The following ADAMTS19 variants were observed in gnomAD, a reference collection of about 807,000 sequenced individuals.
ADAMTS19 encodes A disintegrin and metalloproteinase with thrombospondin motifs 19.
ADAMTS19 carries 93 observed loss-of-function variants against 153.3 expected under a neutral mutation model. That is an observed-to-expected ratio of 0.61 (90% CI 0.51 to 0.72). The LOEUF is 0.72. Among genes scored for constraint, ADAMTS19 ranks in the 30% least tolerant of loss-of-function variants. The pLI is 0.00. For synonymous variants in ADAMTS19, 600 were observed against 556.6 expected, an observed-to-expected ratio of 1.08 and a Z score of -1.10; for missense variants, 1,482 against 1,552.1, an observed-to-expected ratio of 0.95 and a Z score of 0.76.
At position 129,619,061 on chromosome 5, in the gene ADAMTS19, T is replaced by C. The variant is rs955033023; in HGVS notation, c.1479-1557T>C. Among the ~76,000 whole-genome samples the C allele has an allele frequency of 3.9e-5, 6 of 152,090 alleles. No homozygotes were observed. In the South Asian group the frequency reaches 1.2e-3, roughly 32 times the overall value. On this transcript the variant is annotated intron_variant, in intron 8 of 22. Transcript: ENST00000274487. ...TTGTTTCCAGAAGAGATAGTACAAA[T>C]GGGTGAGGTAGGGGATAGTGAAAGA... is the stretch of plus-strand genomic sequence containing the variant.
intron 8 of ADAMTS19, among the ~76,000 whole-genome samples, chr5:129,604,701 A>G (rs140602693): frequency 7.9e-5 from 12 of 152,334 alleles, no homozygotes; most frequent in African/African-American, 2.9e-4. Flanking sequence ...GATTCAAAAC[A>G]GATGCTGTAT....
rs1753624970 is a variant in ADAMTS19 at position 129,564,223 on chromosome 5, A to C, written c.1372+12316A>C. Among the ~76,000 whole-genome samples, 3 of 152,196 alleles carry C rather than the reference A, an allele frequency of 2.0e-5. No homozygotes were observed. The South Asian group carries it at 6.2e-4, about 32-fold the overall frequency. On this transcript the variant is annotated intron_variant, in intron 7 of 22. Coordinates refer to ENST00000274487, the MANE Select transcript of ADAMTS19 (RefSeq NM_133638.6). ...ACCTTTAAACAAGAGCACAGCCTGA[A>C]TGATATATTGACTTTGGCCTTGTGA...
At position 129,644,418 on chromosome 5, in the gene ADAMTS19, T is replaced by C. The variant is rs190490042; in HGVS notation, c.1872+2458T>C. Among the ~76,000 whole-genome samples, 3 of 152,290 alleles carry C rather than the reference T, an allele frequency of 2.0e-5. 1 individual carries two copies. The highest frequency in any genetic ancestry group is 2.0e-4 in the Admixed American group (3 of 15,298). ...ACATTGCTAACCAAGAGACAAAGCTTGGGATTTTGTAACTGATAACACTCT... is the reference window on the plus strand; with the variant it reads ...ACATTGCTAACCAAGAGACAAAGCTCGGGATTTTGTAACTGATAACACTCT... On this transcript the variant is annotated intron_variant, in intron 11 of 22. Transcript: ENST00000274487.
At chr5:129,732,510 A>G (rs926911579) in intron 21 of ADAMTS19, among the ~76,000 whole-genome samples, 5 of 152,116 alleles carry the variant, frequency 3.3e-5, no homozygotes, top group African/African-American at 1.2e-4. Context: ...AAGCATGTCT[A>G]TACACAAATA....
chr5:129,716,649 C>T (rs1163057145), intron 21 of ADAMTS19, among the ~76,000 whole-genome samples: 1 of 149,912 alleles, frequency 6.7e-6, no homozygotes, highest in South Asian at 2.1e-4. Flanking sequence ...CTTGGCACTT[C>T]TTCCTCTATA....
At chr5:129,642,241 A>AT (rs1185531933) in intron 11 of ADAMTS19, among the ~76,000 whole-genome samples, 2 of 151,880 alleles carry the variant, frequency 1.3e-5, no homozygotes, top group Non-Finnish European at 2.9e-5. Context: ...AAAAATGTGA[A>AT]TTTTTTTACT....
intron 3 of ADAMTS19, among the ~76,000 whole-genome samples, chr5:129,522,332 C>CATATATATATATAT (rs1209637522): frequency 5.3e-4 from 31 of 58,618 alleles, no homozygotes; most frequent in East Asian, 7.9e-4. Context: ...CACACACACA[C>CATATATATATATAT]ATATATATAT....
At chr5:129,581,448 C>A (rs1232342735) in intron 7 of ADAMTS19, among the ~76,000 whole-genome samples, 2 of 151,550 alleles carry the variant, frequency 1.3e-5, no homozygotes, top group South Asian at 4.2e-4. Context: ...GTGGTGATAT[C>A]CTCTTTGTCA....
At chr5:129,593,473 C>T (rs1046296356) in intron 7 of ADAMTS19, among the ~76,000 whole-genome samples, 1 of 152,174 alleles carries the variant, frequency 6.6e-6, no homozygotes, top group African/African-American at 2.4e-5. Flanking sequence ...CTAAATCTCA[C>T]TCCCTGATAA....
At chr5:129,690,345 G>A (rs1161119494) in intron 18 of ADAMTS19, among the ~76,000 whole-genome samples, 1 of 152,214 alleles carries the variant, frequency 6.6e-6, no homozygotes, top group Non-Finnish European at 1.5e-5. Context: ...GAGGATTGGT[G>A]GGTGGGAAGT....
chr5:129,484,379 A>C (rs116749614), intron 2 of ADAMTS19, among the ~76,000 whole-genome samples: 3,945 of 152,266 alleles, frequency 0.026, 78 homozygotes, highest in South Asian at 0.063. Context: ...CTGGGTCCCC[A>C]GATGTAACAA....
intron 16 of ADAMTS19, among the ~76,000 whole-genome samples, chr5:129,676,515 G>T (rs560117912): frequency 2.2e-4 from 34 of 152,084 alleles, no homozygotes; most frequent in African/African-American, 7.0e-4. Flanking sequence ...CAGTCAGGGG[G>T]TCTGGTAAAT....
Position 129,546,536 on chromosome 5 carries a change from G to C in ADAMTS19, c.1329-5328G>C, listed in dbSNP as rs990411701. Among the ~76,000 whole-genome samples, 5 of 150,926 alleles carry C rather than the reference G, an allele frequency of 3.3e-5. 1 individual carries two copies. Among genetic ancestry groups the C allele is most frequent in the Admixed American group, 3.3e-4 (5 of 15,192 alleles). On this transcript the variant is annotated intron_variant, in intron 6 of 22. Transcript: ENST00000274487. ...GAAAAAAAGGCAAAAACTGTAATCAGAGACTTCTAATCAATATTTATGAAT... is the reference window on the plus strand; with the variant it reads ...GAAAAAAAGGCAAAAACTGTAATCACAGACTTCTAATCAATATTTATGAAT...
chr5:129,583,349 C>G (rs998481518), intron 7 of ADAMTS19, among the ~76,000 whole-genome samples: 3 of 151,980 alleles, frequency 2.0e-5, no homozygotes, highest in African/African-American at 7.2e-5. Context: ...AACATTTTTT[C>G]CTTCATTTCA....
intron 18 of ADAMTS19, among the ~76,000 whole-genome samples, chr5:129,684,667 C>T (rs958852844): frequency 3.3e-5 from 5 of 152,190 alleles, no homozygotes; most frequent in Admixed American, 3.3e-4. Context: ...CACCTGCCCA[C>T]AAGAATTACA....
intron 7 of ADAMTS19, among the ~76,000 whole-genome samples, chr5:129,580,437 C>T (rs545634697): frequency 6.6e-6 from 1 of 152,228 alleles, no homozygotes; most frequent in African/African-American, 2.4e-5. Context: ...ATTTCTCTTG[C>T]CTGACTGCCC....
chr5:129,521,460 C>G (rs1751795370), intron 3 of ADAMTS19, among the ~76,000 whole-genome samples: 1 of 152,066 alleles, frequency 6.6e-6, no homozygotes, highest in African/African-American at 2.4e-5. Context: ...TCACATATTC[C>G]TATTCATATA....
chr5:129,640,061 A>C (rs1187120515), intron 10 of ADAMTS19, among the ~76,000 whole-genome samples: 1 of 152,190 alleles, frequency 6.6e-6, no homozygotes, highest in Non-Finnish European at 1.5e-5. Context: ...CAGTTAGAAG[A>C]AGCACACTAG....
At chr5:129,636,415 GTTTTC>G (rs1454827190) in intron 10 of ADAMTS19, among the ~76,000 whole-genome samples, 4 of 151,906 alleles carry the variant, frequency 2.6e-5, no homozygotes, top group Non-Finnish European at 4.4e-5. Flanking sequence ...TCTTTTTATT[GTTTTC>G]TTTTCTTTGA....
Sources: allele counts gnomAD v4.1 joint callset (sites outside exome capture counted in the v4.1 genomes callset), GRCh38; gene constraint gnomAD v4.1.1; transcripts MANE v1.5; gene names NCBI Gene and HGNC (gene_info 2026-07-23, HGNC 2026-07-21).